GJB7: variants seen among roughly 807,000 people sequenced by gnomAD.
GJB7 encodes gap junction beta-7 protein.
For synonymous variants in GJB7, 87 were observed against 95.2 expected (o/e 0.91, Z 0.50); for missense variants, 253 against 256.8 (o/e 0.99, Z 0.10).
At chr6:87,299,653 G>C in intron 2 of GJB7, 1 of 178,840 alleles carries the variant, frequency 5.6e-6, no homozygotes, top group Non-Finnish European at 1.2e-5. Flanking sequence ...AGCAGTCAAA[G>C]CTCCAGATTT....
At chr6:87,298,339 A>G (rs890443657) in intron 2 of GJB7, among the ~76,000 whole-genome samples, 3 of 152,234 alleles carry the variant, frequency 2.0e-5, no homozygotes, top group Admixed American at 1.3e-4. Flanking sequence ...AGCACAGGCC[A>G]AGAAGTGGAG....
intron 2 of GJB7, among the ~76,000 whole-genome samples, 187 bp from the exon 3 acceptor site, chr6:87,285,126 G>A (rs577088124): frequency 1.3e-5 from 2 of 152,234 alleles, no homozygotes; most frequent in African/African-American, 4.8e-5. Context: ...ACTGGCCCAT[G>A]GACATAATTA....
At chr6:87,311,090 T>G (rs771973237) in intron 2 of GJB7, among the ~76,000 whole-genome samples, 2 of 152,274 alleles carry the variant, frequency 1.3e-5, no homozygotes, top group Non-Finnish European at 2.9e-5. Flanking sequence ...AAATACAAAT[T>G]AAACCACAAT....
At chr6:87,322,048 T>C (rs1388024106) in intron 2 of GJB7, among the ~76,000 whole-genome samples, 1 of 152,166 alleles carries the variant, frequency 6.6e-6, no homozygotes, top group Admixed American at 6.5e-5. Context: ...ACATCAGTTT[T>C]CACGTGTATC....
chr6:87,284,963 A>G, intron 2 of GJB7, 24 bp from the exon 3 acceptor site: 1 of 1,388,124 alleles, frequency 7.2e-7, no homozygotes, highest in Non-Finnish European at 1.0e-6. Flanking sequence ...CAATTTCATC[A>G]GGATCCATTT....
chr6:87,324,895 C>A (rs117457311), intron 1 of GJB7, among the ~76,000 whole-genome samples: 1 of 152,142 alleles, frequency 6.6e-6, no homozygotes, highest in Admixed American at 6.5e-5. Flanking sequence ...ATTCTTCCTA[C>A]GCATGAGCAT....
At chr6:87,299,410 T>C (rs751912491) in intron 2 of GJB7, 2 of 487,766 alleles carry the variant, frequency 4.1e-6, no homozygotes, top group Admixed American at 4.4e-5. Flanking sequence ...AAAGTTTGAT[T>C]GAGGCTATAT....
intron 2 of GJB7, among the ~76,000 whole-genome samples, chr6:87,320,187 A>G (rs987297891): frequency 2.6e-5 from 4 of 152,248 alleles, no homozygotes; most frequent in African/African-American, 9.6e-5. Flanking sequence ...TGTTTGTAAC[A>G]TAAATGATAA....
At position 87,285,064 on chromosome 6, in the gene GJB7, C is replaced by T. The variant is rs543612451; in HGVS notation, c.-27-125G>A. ...TTATAACAACTCTGGTGGTTTAGGG[C>T]TCTCTAAGAATCCCGAAGGATATGC... On this transcript the variant is annotated intron_variant, in intron 2 of 2. Coordinates refer to ENST00000525899, the MANE Select transcript of GJB7 (RefSeq NM_198568.3). The T allele has an allele frequency of 1.2e-5, 8 of 646,378 alleles. No individual in the cohort carries two copies. The Admixed American group carries it at 2.4e-4, about 19-fold the overall frequency. 40.0% of individuals were successfully genotyped at this position (646,378 alleles called of 1,614,324 possible). A position where few individuals can be genotyped will look rare whatever the true frequency, so the allele number is the denominator to read the frequency against.
chr6:87,304,045 T>C (rs1010165664), intron 2 of GJB7, among the ~76,000 whole-genome samples: 55 of 152,210 alleles, frequency 3.6e-4, no homozygotes, highest in African/African-American at 1.3e-3. Flanking sequence ...GGGAAATTTA[T>C]AGCACTAAAT....
intron 2 of GJB7, among the ~76,000 whole-genome samples, chr6:87,310,935 G>A (rs1283439597): frequency 6.6e-6 from 1 of 151,988 alleles, no homozygotes; most frequent in East Asian, 1.9e-4. Context: ...CACAAACTGG[G>A]GATAGGCAGA....
At chr6:87,322,190 T>A (rs1233026616) in intron 2 of GJB7, 1 of 152,200 alleles carries the variant, frequency 6.6e-6, no homozygotes, top group East Asian at 1.9e-4. Flanking sequence ...GTATTAACTC[T>A]ACACTTAAAT....
chr6:87,328,139 T>C (rs1283501743), intron 1 of GJB7, among the ~76,000 whole-genome samples: 1 of 152,224 alleles, frequency 6.6e-6, no homozygotes, highest in Non-Finnish European at 1.5e-5. Context: ...TATTGGTTAT[T>C]CTAGTTATAC....
rs765765552 is a variant in GJB7, at chr6:87,284,650, G to C, written c.263C>G (p.Ser88Ter). The change falls in exon 3 of 3, where the codon TCA (serine) becomes TGA (stop). Residue 88 changes from serine (S) to a stop codon, truncating the protein, a stop_gained. Coordinates refer to ENST00000525899, the MANE Select transcript of GJB7 (RefSeq NM_198568.3). LOFTEE classifies it low-confidence loss of function (END_TRUNC). ...ALQLIMVSTP[S>*]LLVVLHVAYH... The stretch of plus-strand genomic sequence containing the variant: ...GGCTACATGTAAAACCACCAGAAGT[G>C]AAGGTGTGGAGACCATTATCAGTTG... 6.2e-7 allele frequency: 1 copy of C among 1,614,186 alleles called. No individual in the cohort carries two copies. The highest frequency in any genetic ancestry group is 1.1e-5 in the South Asian group (1 of 91,090).
At chr6:87,291,340 G>A (rs560099154) in intron 2 of GJB7, among the ~76,000 whole-genome samples, 30 of 152,116 alleles carry the variant, frequency 2.0e-4, no homozygotes, top group Non-Finnish European at 2.6e-4. Context: ...AAAACACTTC[G>A]ACACTAGGAA....
chr6:87,294,126 G>A (rs1278978896), intron 2 of GJB7, among the ~76,000 whole-genome samples: 1 of 152,150 alleles, frequency 6.6e-6, no homozygotes, highest in East Asian at 1.9e-4. Flanking sequence ...CCATATTGAA[G>A]TCAAAAGGCT....
chr6:87,308,927 A>T (rs563052658), intron 2 of GJB7, among the ~76,000 whole-genome samples: 1 of 152,380 alleles, frequency 6.6e-6, no homozygotes, highest in African/African-American at 2.4e-5. Flanking sequence ...AATTTACCCA[A>T]TTAAAATAAT....
intron 2 of GJB7, among the ~76,000 whole-genome samples, chr6:87,313,707 C>A (rs946056942): frequency 6.6e-6 from 1 of 152,268 alleles, no homozygotes; most frequent in East Asian, 1.9e-4. Context: ...TAATAAAAAG[C>A]AATTATGACT....
rs549513635 is a variant in GJB7 at position 87,298,774 on chromosome 6, G to A, written c.-27-13835C>T. On this transcript the variant is annotated intron_variant, in intron 2 of 2. Transcript: ENST00000525899. The stretch of plus-strand genomic sequence containing the variant: ...CGCCTCGCTGCCATCCGACAGAAAT[G>A]CTTCAATTACCCACAGTCTTGCCAG... The A allele has an allele frequency of 9.7e-5, 24 of 247,560 alleles. No individual in the cohort carries two copies. The South Asian group carries it at 1.4e-3, about 14-fold the overall frequency. 15.3% of individuals were successfully genotyped at this position (247,560 alleles called of 1,614,324 possible).
Sources: gnomAD v4.1 joint callset for allele counts (sites outside exome capture counted in the v4.1 genomes callset) on GRCh38, gnomAD v4.1.1 for gene constraint, MANE v1.5 for transcripts, NCBI Gene and HGNC (gene_info 2026-07-23, HGNC 2026-07-21) for gene names.